Variants in ITSN1 observed in about 807,000 individuals in gnomAD.
ITSN1 encodes the protein intersectin 1, also known as intersectin-1.
ITSN1 carries 58 observed loss-of-function variants against 239.8 expected under a neutral mutation model. The ratio of observed to expected loss-of-function variants is 0.24; its 90% confidence interval spans 0.20 to 0.30. The LOEUF (loss-of-function observed/expected upper bound fraction) is 0.30, where lower values mean the gene tolerates loss of function less well. Ranked by LOEUF, ITSN1 falls within the 10% of genes least tolerant of loss-of-function variation. The probability of loss-of-function intolerance (pLI) is 1.00; values close to 1 mark genes in which losing one functional copy is unlikely to be tolerated. For missense variants in ITSN1, 1,558 were observed against 2,103.3 expected, an observed-to-expected ratio of 0.74 and a Z score of 5.07; for synonymous variants, 780 against 770.8, an observed-to-expected ratio of 1.01 and a Z score of -0.20.
chr21:33,644,361 T>G (rs968224581), intron 1 of ITSN1, among the ~76,000 whole-genome samples: 1 of 152,156 alleles, frequency 6.6e-6, no homozygotes, highest in Non-Finnish European at 1.5e-5. Context: ...TTGATGATGG[T>G]GTTAAAATTA....
chr21:33,700,884 G>A (rs2091976272), intron 1 of ITSN1, among the ~76,000 whole-genome samples: 1 of 151,190 alleles, frequency 6.6e-6, no homozygotes. Flanking sequence ...AGCCTATTTT[G>A]GTGTATTAGA....
At chr21:33,863,189 G>A (rs985568317) in intron 31 of ITSN1, among the ~76,000 whole-genome samples, 2 of 152,198 alleles carry the variant, frequency 1.3e-5, no homozygotes, top group Non-Finnish European at 2.9e-5. Flanking sequence ...TAGGTGCCTA[G>A]TCCATAGTAA....
chr21:33,762,760 T>G (rs1424505605), intron 9 of ITSN1, among the ~76,000 whole-genome samples: 4 of 151,880 alleles, frequency 2.6e-5, no homozygotes, highest in African/African-American at 9.7e-5. Context: ...ACTTCCCAGG[T>G]TCAGCCTATT....
At chr21:33,883,446 C>T (rs893208198) in intron 35 of ITSN1, 104 bp from the exon 36 acceptor site, 2 of 1,488,408 alleles carry the variant, frequency 1.3e-6, no homozygotes, top group East Asian at 2.4e-5. Context: ...CTTGCAGTCT[C>T]GTTTACTAGA....
At chr21:33,645,703 A>C (rs879400587) in intron 1 of ITSN1, among the ~76,000 whole-genome samples, 1 of 152,092 alleles carries the variant, frequency 6.6e-6, no homozygotes, top group Non-Finnish European at 1.5e-5. Flanking sequence ...GGTTTCTGTC[A>C]CCTCGCTTCA....
chr21:33,767,874 A>G, intron 11 of ITSN1, 46 bp downstream of exon 11: 2 of 1,066,298 alleles, frequency 1.9e-6, no homozygotes, highest in East Asian at 4.8e-5. Flanking sequence ...ATTAAACGAA[A>G]TTAGAGATTT....
At chr21:33,777,245 G>A (rs1005791307) in intron 14 of ITSN1, among the ~76,000 whole-genome samples, 1 of 152,070 alleles carries the variant, frequency 6.6e-6, no homozygotes, top group African/African-American at 2.4e-5. Context: ...TTCCCATTGA[G>A]TTACCTTGGT....
intron 4 of ITSN1, among the ~76,000 whole-genome samples, chr21:33,727,069 T>G (rs1341055262): frequency 6.6e-6 from 1 of 152,184 alleles, no homozygotes; most frequent in Non-Finnish European, 1.5e-5. Flanking sequence ...GATTTCCAAT[T>G]AAGAATACAA....
At chr21:33,860,078 G>A (rs1980186431) in intron 31 of ITSN1, among the ~76,000 whole-genome samples, 1 of 152,130 alleles carries the variant, frequency 6.6e-6, no homozygotes. Flanking sequence ...AGGCCAAGGT[G>A]GGTGGATCAC....
rs574146568 is a variant in ITSN1 at position 33,765,727 on chromosome 21, A to G, written c.789-148A>G. 61 of 703,968 alleles carry G rather than the reference A, an allele frequency of 8.7e-5. No individual in the cohort carries two copies. The East Asian group carries it at 1.5e-3, about 17-fold the overall frequency. 43.6% of individuals were successfully genotyped at this position (703,968 alleles called of 1,614,324 possible). A position where few individuals can be genotyped will look rare whatever the true frequency, so the allele number is the denominator to read the frequency against. ...TGTAATTTTATCTTTGCAGCAGTATAAAATAGGTACTATTTTGACAAAATG... is the reference window on the plus strand; with the variant it reads ...TGTAATTTTATCTTTGCAGCAGTATGAAATAGGTACTATTTTGACAAAATG... On this transcript the variant is annotated intron_variant, in intron 9 of 39. Transcript: ENST00000381318.
chr21:33,676,267 G>A (rs2090586684), intron 1 of ITSN1, among the ~76,000 whole-genome samples: 1 of 152,140 alleles, frequency 6.6e-6, no homozygotes, highest in Non-Finnish European at 1.5e-5. Flanking sequence ...ACACGCATGA[G>A]CCATTGCGCC....
At chr21:33,781,328 ATAAT>A in intron 14 of ITSN1, 129 bp from the exon 15 acceptor site, 1 of 618,356 alleles carries the variant, frequency 1.6e-6, no homozygotes, top group Non-Finnish European at 2.9e-6. Context: ...CACCTAATTA[ATAAT>A]TAAATGCAGC....
At chr21:33,758,364 C>T (rs1389784760) in intron 8 of ITSN1, among the ~76,000 whole-genome samples, 1 of 152,234 alleles carries the variant, frequency 6.6e-6, no homozygotes, top group Non-Finnish European at 1.5e-5. Context: ...ATCTGCTTAC[C>T]TCTGCCTCCC....
chr21:33,845,381 G>A (rs2074959151), intron 29 of ITSN1, among the ~76,000 whole-genome samples: 1 of 152,012 alleles, frequency 6.6e-6, no homozygotes, highest in African/African-American at 2.4e-5. Flanking sequence ...CTGAGTCTTC[G>A]ACCTGGTCTC....
chr21:33,822,385 T>C (rs751291015), intron 24 of ITSN1, among the ~76,000 whole-genome samples: 14 of 152,196 alleles, frequency 9.2e-5, no homozygotes, highest in Non-Finnish European at 1.6e-4. Flanking sequence ...ACATACATTG[T>C]CCATCATAAA....
chr21:33,737,983 G>A (rs2066607441), intron 5 of ITSN1, among the ~76,000 whole-genome samples: 1 of 152,132 alleles, frequency 6.6e-6, no homozygotes. Context: ...AGGAGTTTGA[G>A]ACCAACCTGG....
chr21:33,696,985 A>G (rs2146747683), intron 1 of ITSN1, among the ~76,000 whole-genome samples: 1 of 152,228 alleles, frequency 6.6e-6, no homozygotes, highest in Non-Finnish European at 1.5e-5. Context: ...ATGCTACAAC[A>G]TGGAAGTTTA....
chr21:33,837,847 G>A, intron 29 of ITSN1: 1 of 985,882 alleles, frequency 1.0e-6, no homozygotes, highest in South Asian at 4.7e-5. Flanking sequence ...AATTTTGCGT[G>A]TTTGCATAGC....
chr21:33,662,244 G>A (rs1302811889), intron 1 of ITSN1, among the ~76,000 whole-genome samples: 3 of 151,962 alleles, frequency 2.0e-5, no homozygotes, highest in Non-Finnish European at 4.4e-5. Flanking sequence ...GAAAATACCC[G>A]TACCTGCCGC....
Sources: allele counts gnomAD v4.1 joint callset (sites outside exome capture counted in the v4.1 genomes callset), GRCh38; gene constraint gnomAD v4.1.1; transcripts MANE v1.5; gene names NCBI Gene and HGNC (gene_info 2026-07-23, HGNC 2026-07-21).